The following EVPLL variants were observed in gnomAD, a reference collection of about 807,000 sequenced individuals.
EVPLL encodes envoplakin like, also known as envoplakin-like protein.
In EVPLL, 39 loss-of-function variants were observed where a neutral mutation model predicts 46.2. The ratio of observed to expected loss-of-function variants is 0.84; its 90% CI spans 0.65 to 1.10. The LOEUF (loss-of-function observed/expected upper bound fraction) is 1.10, where lower values mean the gene tolerates loss of function less well. Among genes scored for constraint, EVPLL ranks in the 50% least tolerant of loss-of-function variants. EVPLL has a pLI of 0.00. For synonymous variants in EVPLL, 156 were observed against 165.8 expected (o/e 0.94, Z 0.46); for missense variants, 385 against 412.6 (o/e 0.93, Z 0.58).
chr17:18,383,440 C>A, intron 8 of EVPLL, 52 bp from the exon 9 acceptor site: 3 of 449,372 alleles, frequency 6.7e-6, no homozygotes, highest in South Asian at 6.4e-5. Context: ...GGGGGGTGGA[C>A]GTGGGTGCGG....
At position 18,381,770 on chromosome 17, in the gene EVPLL, T is replaced by A. The variant is rs1987586973; in HGVS notation, c.346+40T>A. 1 of 1,613,376 alleles carries A rather than the reference T, an allele frequency of 6.2e-7. No homozygotes were observed. Among genetic ancestry groups the A allele is most frequent in the African/African-American group, 1.3e-5 (1 of 74,838 alleles). On this transcript the variant is annotated intron_variant, in intron 4 of 10. Transcript: ENST00000399134. The surrounding 1 kb of genome is among the most constrained non-coding windows in gnomAD (Gnocchi z 4.2). ...GTCACACCCCAGTGTGATCAGAGGG[T>A]GATACGGAACTGCATTTAACCCAGG...
intron 9 of EVPLL, among the ~76,000 whole-genome samples, chr17:18,387,723 G>A (rs1443995830): frequency 6.6e-6 from 1 of 152,106 alleles, no homozygotes; most frequent in East Asian, 1.9e-4. Flanking sequence ...TTAAAAACAT[G>A]TGTAAGCCGA....
rs778245748 is a variant in EVPLL at position 18,383,560 on chromosome 17, G to C, written c.849G>C (p.Gln283His). ...FLNLCICQET[Q>H]LQHVEDYSRI... ...ACCTGTGCATCTGCCAGGAGACCCA[G>C]CTCCAGCACGTGGAGGACTACAGCC... Residue 283 changes from glutamine (Q) to histidine (H), a missense_variant, in exon 9 of 11, where the codon CAG becomes CAC. Physicochemically the swap from Gln to His is conservative, Grantham distance 24. Coordinates refer to ENST00000399134, the MANE Select transcript of EVPLL (RefSeq NM_001145127.2). 3.3e-6 allele frequency: 5 copies of C among 1,524,898 alleles called. No individual in the cohort carries two copies. The South Asian group carries it at 4.7e-5, about 14-fold the overall frequency. 94.5% of individuals were successfully genotyped at this position (1,524,898 alleles called of 1,614,324 possible).
intron 9 of EVPLL, among the ~76,000 whole-genome samples, chr17:18,384,332 A>C (rs1987698991): frequency 6.6e-6 from 1 of 151,828 alleles, no homozygotes; most frequent in Admixed American, 6.6e-5. Flanking sequence ...CTAGCCAGGC[A>C]TGGTGGCTCG....
chr17:18,385,143 A>C (rs1320861953), intron 9 of EVPLL, among the ~76,000 whole-genome samples: 1 of 149,586 alleles, frequency 6.7e-6, no homozygotes, highest in African/African-American at 2.5e-5. Flanking sequence ...CCATCACCTA[A>C]CTGCAGGTGC....
intron 9 of EVPLL, among the ~76,000 whole-genome samples, chr17:18,386,131 A>G (rs1169353766): frequency 3.3e-5 from 5 of 152,132 alleles, no homozygotes; most frequent in Admixed American, 1.3e-4. Context: ...CGGCAGGGAA[A>G]GTCCCTTTCC....
Position 18,378,001 on chromosome 17 carries a change from A to T in EVPLL, c.-37+18A>T, listed in dbSNP as rs1389054388. 4.0e-6 allele frequency: 3 copies of T among 753,328 alleles called. No individual in the cohort carries two copies. Among genetic ancestry groups the T allele is most frequent in the Non-Finnish European group, 5.9e-6 (3 of 507,060 alleles). The allele number at this position is 753,328 out of a possible 1,614,324, so 46.7% of individuals were successfully genotyped here. A position where few individuals can be genotyped will look rare whatever the true frequency, so the allele number is the denominator to read the frequency against. Reference sequence around the variant, plus strand: ...CACAGCTGGTGAGTGGGACTAGGGGATGGGGAGCCAGGGAGCTAGGGTGGG... The same window carrying T: ...CACAGCTGGTGAGTGGGACTAGGGGTTGGGGAGCCAGGGAGCTAGGGTGGG... On this transcript the variant is annotated intron_variant, in intron 1 of 10. Coordinates refer to ENST00000399134, the MANE Select transcript of EVPLL (RefSeq NM_001145127.2).
intron 6 of EVPLL, 68 bp from the exon 7 acceptor site, chr17:18,382,957 C>A: frequency 1.3e-6 from 2 of 1,575,578 alleles, no homozygotes; most frequent in Admixed American, 3.8e-5. Flanking sequence ...GAGCGCCGCC[C>A]AATGGCGCCT....
At position 18,381,638 on chromosome 17, in the gene EVPLL, G is replaced by A. The variant is rs1455738078; in HGVS notation, c.254G>A (p.Cys85Tyr). The A allele has an allele frequency of 4.3e-6, 7 of 1,614,188 alleles. 2 individuals carry two copies. In the South Asian group the frequency reaches 6.6e-5, roughly 15 times the overall value. Residue 85 changes from cysteine to tyrosine, a missense_variant, in exon 4 of 11, where the codon TGT becomes TAT. Transcript: ENST00000399134. The surrounding 1 kb of genome is among the most constrained non-coding windows in gnomAD (Gnocchi z 4.2). Reference protein sequence around the residue: ...EQLHERVTQECAEYCALYEKM... With the variant: ...EQLHERVTQEYAEYCALYEKM... The stretch of plus-strand genomic sequence containing the variant: ...CTGCACGAGCGGGTGACCCAGGAGT[G>A]TGCGGAGTACTGTGCCCTGTACGAG...
intron 9 of EVPLL, among the ~76,000 whole-genome samples, chr17:18,384,406 C>T (rs547940565): frequency 1.2e-3 from 181 of 148,726 alleles, no homozygotes; most frequent in African/African-American, 4.3e-3. Context: ...ACTGCACTCC[C>T]GCCTGGGTGA....
At position 18,382,516 on chromosome 17, in the gene EVPLL, C is replaced by T; in HGVS notation, c.350C>T (p.Ala117Val). The T allele has an allele frequency of 6.4e-7, 1 of 1,551,666 alleles. No homozygotes were observed. The highest frequency in any genetic ancestry group is 8.7e-7 in the Non-Finnish European group (1 of 1,146,956). ...TGAGCCGCCGGCTCTCCTGCAGAAGCTGGTCTGCGCAGGCCAGTATGGGCC... is the reference window on the plus strand; with the variant it reads ...TGAGCCGCCGGCTCTCCTGCAGAAGTTGGTCTGCGCAGGCCAGTATGGGCC... Reference protein sequence around the residue: ...LGTRAGAETEAGLRRPVWAGH... With the variant: ...LGTRAGAETEVGLRRPVWAGH... The change falls in exon 5 of 11, where the codon GCT becomes GTT. Residue 117 changes from alanine (A) to valine (V), a missense_variant. Ala to Val is a moderately conservative substitution (Grantham distance 64). Transcript: ENST00000399134.
chr17:18,378,125 G>A, intron 1 of EVPLL, 142 bp downstream of exon 1: 1 of 347,384 alleles, frequency 2.9e-6, no homozygotes, highest in South Asian at 7.1e-5. Context: ...AAAGGGCCCA[G>A]GGGTGGACTC....
At chr17:18,387,832 A>G (rs1987818300) in intron 9 of EVPLL, 2 of 152,538 alleles carry the variant, frequency 1.3e-5, no homozygotes, top group African/African-American at 4.8e-5. Context: ...TAACACGGCG[A>G]GATCCTGTCT....
At chr17:18,382,183 C>G in intron 4 of EVPLL, 1 of 358,434 alleles carries the variant, frequency 2.8e-6, no homozygotes, top group Non-Finnish European at 5.3e-6. Flanking sequence ...GTTCTGAGGG[C>G]CCTAGAGCTT....
chr17:18,383,585 C>T lies in EVPLL; in HGVS notation c.874C>T (p.Arg292Trp), dbSNP rs1567812299. ...GCTCCAGCACGTGGAGGACTACAGC[C>T]GGGTGAGCCCTCGGGCAGCGGCAGG... ...TQLQHVEDYS[R>W]ILCPSSSPH Residue 292 changes from arginine to tryptophan, a missense_variant and splice_region_variant, in exon 9 of 11, where the codon CGG (arginine) becomes TGG (tryptophan). Physicochemically the swap from Arg to Trp is moderately radical, Grantham distance 101. Coordinates refer to ENST00000399134, the MANE Select transcript of EVPLL (RefSeq NM_001145127.2). 15 of 1,302,008 alleles carry T rather than the reference C, an allele frequency of 1.2e-5. No individual in the cohort carries two copies. The highest frequency in any genetic ancestry group is 6.3e-5 in the South Asian group (5 of 79,114). The allele number at this position is 1,302,008 out of a possible 1,614,324, so 80.7% of individuals were successfully genotyped here. A position where few individuals can be genotyped will look rare whatever the true frequency, so the allele number is the denominator to read the frequency against.
rs1987433866 is a variant in EVPLL at position 18,377,913 on chromosome 17, C to T, written c.-107C>T. The stretch of plus-strand genomic sequence containing the variant: ...GTTCAAGGGACTGAGCAAAGGCTCC[C>T]AGGGGAAGGGGTCCCCCAAGGACTC... On this transcript the variant is annotated 5_prime_UTR_variant, in exon 1 of 11. The change creates a premature stop within an existing upstream ORF in the 5' untranslated region. Transcript: ENST00000399134. The T allele has an allele frequency of 8.8e-7, 1 of 1,140,508 alleles. No individual in the cohort carries two copies. Among genetic ancestry groups the T allele is most frequent in the East Asian group, 3.0e-5 (1 of 32,868 alleles). The allele number at this position is 1,140,508 out of a possible 1,614,324, so 70.6% of individuals were successfully genotyped here. A position where few individuals can be genotyped will look rare whatever the true frequency, so the allele number is the denominator to read the frequency against.
Position 18,377,999 on chromosome 17 carries a change from G to C in EVPLL, c.-37+16G>C. The C allele has an allele frequency of 1.3e-6, 1 of 772,316 alleles. No homozygotes were observed. Among genetic ancestry groups the C allele is most frequent in the Non-Finnish European group, 1.9e-6 (1 of 522,006 alleles). The allele number at this position is 772,316 out of a possible 1,614,324, so 47.8% of individuals were successfully genotyped here. On this transcript the variant is annotated intron_variant, in intron 1 of 10. Transcript: ENST00000399134. ...AGCACAGCTGGTGAGTGGGACTAGG[G>C]GATGGGGAGCCAGGGAGCTAGGGTG...
rs778705471 is a variant in EVPLL at position 18,381,370 on chromosome 17, C to G, written c.67C>G (p.Arg23Gly). ...TCTGCCCATCCCCTGCCCACAGGAC[C>G]GGCTGAACAGTGAGCAGAGCCAGGC... ...LETQKRLQQD[R>G]LNSEQSQALQ... The change falls in exon 3 of 11, where the codon CGG (arginine) becomes GGG (glycine). Residue 23 changes from arginine (R) to glycine (G), a missense_variant. By Grantham distance (125) the Arg-to-Gly change is moderately radical. Coordinates refer to ENST00000399134, the MANE Select transcript of EVPLL (RefSeq NM_001145127.2). This position sits in a 1 kb window ranked among gnomAD's most constrained non-coding sequence, Gnocchi z 4.2. 5 of 1,560,010 alleles carry G rather than the reference C, an allele frequency of 3.2e-6. No homozygotes were observed. In the South Asian group the frequency reaches 5.8e-5, roughly 18 times the overall value.
Position 18,388,859 on chromosome 17 carries a change from C to T in EVPLL, c.*43C>T, listed in dbSNP as rs1180666153. 6.6e-6 allele frequency: 1 copy of T among 150,392 alleles called. No individual in the cohort carries two copies. Among genetic ancestry groups the T allele is most frequent in the Admixed American group, 6.6e-5 (1 of 15,078 alleles). 9.3% of individuals were successfully genotyped at this position (150,392 alleles called of 1,614,324 possible). On this transcript the variant is annotated splice_region_variant and 3_prime_UTR_variant, in exon 11 of 11. Transcript: ENST00000399134. The stretch of plus-strand genomic sequence containing the variant: ...AGTGACCCTTTCTCCTTTTTCAGCT[C>T]TTGCCGCACGTGCAGAGAGAGAGGA...
Sources: gnomAD v4.1 joint callset for allele counts (sites outside exome capture counted in the v4.1 genomes callset) on GRCh38, gnomAD v4.1.1 for gene constraint, Gnocchi (gnomAD v3.1) non-coding constraint, MANE v1.5 for transcripts, NCBI Gene and HGNC (gene_info 2026-07-23, HGNC 2026-07-21) for gene names.